GDAP1: variants seen among roughly 807,000 people sequenced by gnomAD.
GDAP1 encodes the protein ganglioside-induced differentiation-associated protein 1.
Under a neutral mutation model 40.1 loss-of-function variants are expected in GDAP1, and 34 were observed. That is an observed-to-expected ratio of 0.85 (90% CI 0.64 to 1.13). The LOEUF (loss-of-function observed/expected upper bound fraction) is 1.13. GDAP1 is among the 50% of genes most tolerant of loss of function. GDAP1 has a pLI of 0.00. For synonymous variants in GDAP1, 170 were observed against 157.4 expected (o/e 1.08, Z -0.60); for missense variants, 374 against 433.7 (o/e 0.86, Z 1.22).
chr8:74,384,927 A>G (rs1034637988), intron 2 of GDAP1, among the ~76,000 whole-genome samples: 3 of 152,206 alleles, frequency 2.0e-5, no homozygotes, highest in African/African-American at 7.2e-5. Context: ...ATACTAAGGA[A>G]CAATATCCAT....
chr8:74,446,123 G>T (rs1204328607), intron 2 of GDAP1, among the ~76,000 whole-genome samples: 3 of 152,084 alleles, frequency 2.0e-5, no homozygotes, highest in Non-Finnish European at 2.9e-5. Context: ...CGGGGAGCTG[G>T]GTTGCTATCA....
rs368055667 is a variant in GDAP1 at position 74,364,197 on chromosome 8, G to T, written c.907G>T (p.Ala303Ser). The part of the protein sequence containing the change: ...LGHVNNILIS[A>S]VLPTAFRVAK... ...ACATGTCAACAATATATTAATCTCT[G>T]CAGTGCTGCCAACAGCATTCCGGGT... Residue 303 changes from alanine (A) to serine (S), a missense_variant, in exon 6 of 6, where the codon GCA becomes TCA. Ala to Ser is a moderately conservative substitution (Grantham distance 99). Coordinates refer to ENST00000220822, the MANE Select transcript of GDAP1 (RefSeq NM_018972.4). 3.1e-5 allele frequency: 50 copies of T among 1,614,008 alleles called. No homozygotes were observed. The highest frequency in any genetic ancestry group is 4.2e-5 in the Non-Finnish European group (49 of 1,180,006).
chr8:74,365,666 A>C lies in GDAP1; in HGVS notation c.*1299A>C. The C allele has an allele frequency of 2.2e-6, 1 of 454,548 alleles. No homozygotes were observed. Among genetic ancestry groups the C allele is most frequent in the South Asian group, 1.6e-5 (1 of 64,474 alleles). The allele number at this position is 454,548 out of a possible 1,614,324, so 28.2% of individuals were successfully genotyped here. A position where few individuals can be genotyped will look rare whatever the true frequency, so the allele number is the denominator to read the frequency against. ...TAACTTTATCATTAATAGGAAAGTC[A>C]TACCTAGGAAACAATGACTTTTTGA... is the stretch of plus-strand genomic sequence containing the variant. On this transcript the variant is annotated 3_prime_UTR_variant, in exon 6 of 6. Transcript: ENST00000220822.
At chr8:74,470,811 T>C (rs1332505927) in intron 2 of GDAP1, among the ~76,000 whole-genome samples, 1 of 152,194 alleles carries the variant, frequency 6.6e-6, no homozygotes, top group African/African-American at 2.4e-5. Context: ...TAGTTCTAGA[T>C]CCCTGAGGAA....
chr8:74,446,533 C>G (rs1045510776), intron 2 of GDAP1, among the ~76,000 whole-genome samples: 4 of 152,044 alleles, frequency 2.6e-5, no homozygotes, highest in Non-Finnish European at 4.4e-5. Context: ...TACAAAGCCT[C>G]TGAAATTGAG....
At chr8:74,471,355 C>G (rs894793784) in intron 2 of GDAP1, among the ~76,000 whole-genome samples, 3 of 151,506 alleles carry the variant, frequency 2.0e-5, no homozygotes, top group African/African-American at 7.3e-5. Context: ...TCTTTTTTCC[C>G]TGATTAGTTT....
intron 2 of GDAP1, among the ~76,000 whole-genome samples, chr8:74,428,245 C>T (rs988447792): frequency 1.2e-4 from 18 of 149,218 alleles, no homozygotes; most frequent in Admixed American, 3.3e-4. Context: ...ACAACAACAA[C>T]AACAACAATA....
chr8:74,390,040 A>T (rs950674017), intron 2 of GDAP1, among the ~76,000 whole-genome samples: 14 of 152,108 alleles, frequency 9.2e-5, no homozygotes, highest in Non-Finnish European at 2.9e-5. Flanking sequence ...CATGTCATTT[A>T]TGTTCTTCTC....
intron 2 of GDAP1, among the ~76,000 whole-genome samples, chr8:74,390,699 AG>A (rs1810095082): frequency 6.6e-6 from 1 of 152,200 alleles, no homozygotes; most frequent in Non-Finnish European, 1.5e-5. Flanking sequence ...CTCTTAGTAG[AG>A]CTTGAGCGCT....
chr8:74,467,685 G>A (rs765967336), intron 2 of GDAP1, among the ~76,000 whole-genome samples: 8 of 152,150 alleles, frequency 5.3e-5, no homozygotes, highest in Non-Finnish European at 7.4e-5. Context: ...CAAGGTGGAG[G>A]TACCTATGGA....
intron 2 of GDAP1, among the ~76,000 whole-genome samples, chr8:74,477,805 C>T (rs988520903): frequency 2.0e-5 from 3 of 152,134 alleles, no homozygotes; most frequent in African/African-American, 7.2e-5. Flanking sequence ...CAGTGCACTG[C>T]ACACTCATCA....
chr8:74,488,150 C>T (rs570293455), intron 2 of GDAP1, among the ~76,000 whole-genome samples: 4 of 152,258 alleles, frequency 2.6e-5, no homozygotes, highest in African/African-American at 9.6e-5. Context: ...GCATTAAAGT[C>T]TAATTATTAA....
downstream of GDAP1, among the ~76,000 whole-genome samples, chr8:74,371,015 A>G (rs1246081434): frequency 1.3e-5 from 2 of 152,350 alleles, no homozygotes; most frequent in East Asian, 3.9e-4. Flanking sequence ...AGATTTTGTC[A>G]CTATTCTCTC....
intron 2 of GDAP1, among the ~76,000 whole-genome samples, chr8:74,412,187 G>A (rs1048542198): frequency 1.3e-5 from 2 of 150,064 alleles, no homozygotes; most frequent in African/African-American, 5.1e-5. Flanking sequence ...CTCATTGGAT[G>A]AGTTAAAAAT....
intron 2 of GDAP1, among the ~76,000 whole-genome samples, chr8:74,403,414 C>T (rs1805588260): frequency 6.7e-6 from 1 of 150,078 alleles, no homozygotes; most frequent in African/African-American, 2.5e-5. Flanking sequence ...GAGAAAAGCA[C>T]AGGGCATGTT....
intron 2 of GDAP1, among the ~76,000 whole-genome samples, chr8:74,463,323 T>C (rs934770439): frequency 1.3e-5 from 2 of 149,744 alleles, no homozygotes; most frequent in Admixed American, 6.6e-5. Flanking sequence ...CGGGATGTGG[T>C]ATTGTGCACT....
chr8:74,408,194 T>C (rs920452635), intron 2 of GDAP1, among the ~76,000 whole-genome samples: 1 of 150,130 alleles, frequency 6.7e-6, no homozygotes, highest in African/African-American at 2.5e-5. Flanking sequence ...TGAAAGTATA[T>C]CTGTTTTATT....
rs4645551 is a variant in GDAP1, at chr8:74,441,934, C to T, written c.166-46744C>T. Among the ~76,000 whole-genome samples the T allele has an allele frequency of 7.2e-4, 110 of 152,300 alleles. 1 individual carries two copies. In the South Asian group the frequency reaches 0.022, roughly 31 times the overall value. Reference sequence around the variant, plus strand: ...CATATCCACCTCTCCCCATGCCACACATCTTGATTTATCAGACTGAAATAT... The same window carrying T: ...CATATCCACCTCTCCCCATGCCACATATCTTGATTTATCAGACTGAAATAT... On this transcript the variant is annotated intron_variant, in intron 2 of 2. Transcript: ENST00000523640.
intron 2 of GDAP1, among the ~76,000 whole-genome samples, chr8:74,395,865 G>A (rs927206817): frequency 3.7e-4 from 56 of 152,200 alleles, no homozygotes; most frequent in African/African-American, 1.3e-3. Context: ...ACAGTAAGAT[G>A]GAAAAATGGG....
Sources: allele counts gnomAD v4.1 joint callset (sites outside exome capture counted in the v4.1 genomes callset), GRCh38; gene constraint gnomAD v4.1.1; transcripts MANE v1.5; gene names NCBI Gene and HGNC (gene_info 2026-07-23, HGNC 2026-07-21).